Variants in CRACD observed in about 807,000 individuals in gnomAD.
The protein encoded by CRACD is capping protein inhibiting regulator of actin dynamics.
A neutral mutation model predicts 106.8 loss-of-function variants in CRACD; 56 were observed. The ratio of observed to expected loss-of-function variants is 0.52; its 90% CI spans 0.42 to 0.66. CRACD has a LOEUF of 0.66. Among genes scored for constraint, CRACD ranks in the 30% least tolerant of loss-of-function variants. The pLI is 0.00. For missense variants in CRACD, 1,730 were observed against 1,623.2 expected (o/e 1.07, Z -1.13); for synonymous variants, 754 against 670.8 (o/e 1.12, Z -1.92).
chr4:56,066,396 T>C (rs920939928), intron 1 of CRACD, among the ~76,000 whole-genome samples: 4 of 152,064 alleles, frequency 2.6e-5, no homozygotes, highest in African/African-American at 9.7e-5. Flanking sequence ...TTATCTAAAA[T>C]CACAGGTGTG....
At chr4:56,269,644 C>T (rs1261960037) in intron 2 of CRACD, among the ~76,000 whole-genome samples, 1 of 149,792 alleles carries the variant, frequency 6.7e-6, no homozygotes, top group Admixed American at 6.7e-5. Context: ...CTGCTCACTA[C>T]AGCCTTCGCC....
At chr4:56,076,065 G>A (rs1732829117) in intron 1 of CRACD, among the ~76,000 whole-genome samples, 1 of 152,172 alleles carries the variant, frequency 6.6e-6, no homozygotes, top group Non-Finnish European at 1.5e-5. Flanking sequence ...ACCTCAGAAT[G>A]TGACTGTATT....
intron 4 of CRACD, among the ~76,000 whole-genome samples, chr4:56,304,852 G>C (rs1309940878): frequency 6.6e-6 from 1 of 152,166 alleles, no homozygotes; most frequent in Non-Finnish European, 1.5e-5. Flanking sequence ...TTTTGTGTGT[G>C]TGATGATGGC....
chr4:56,162,320 A>T (rs1735989978), intron 1 of CRACD, among the ~76,000 whole-genome samples: 1 of 152,004 alleles, frequency 6.6e-6, no homozygotes, highest in Non-Finnish European at 1.5e-5. Context: ...TCACCCTCCC[A>T]AGTAGCTAGG....
At chr4:56,114,858 G>A (rs1734229109) in intron 1 of CRACD, among the ~76,000 whole-genome samples, 1 of 152,054 alleles carries the variant, frequency 6.6e-6, no homozygotes, top group East Asian at 1.9e-4. Context: ...TTTCTTGCCT[G>A]TGCATTATAG....
intron 1 of CRACD, among the ~76,000 whole-genome samples, chr4:56,127,004 C>T (rs142503182): frequency 1.3e-3 from 199 of 152,292 alleles, no homozygotes; most frequent in African/African-American, 4.6e-3. Context: ...ACTTAATCCC[C>T]AATGTGACAG....
rs550088033 is a variant in CRACD at position 56,328,961 on chromosome 4, C to A, written c.*1157C>A. On this transcript the variant is annotated 3_prime_UTR_variant, in exon 11 of 11. Coordinates refer to ENST00000682029, the MANE Select transcript of CRACD (RefSeq NM_001393381.1). ...TTTGGAGCCTTTGTAATAAGGACTT[C>A]CTGCAGAAAGTCTTTTCTTTACTAT... Among the ~76,000 whole-genome samples the A allele has an allele frequency of 3.9e-5, 6 of 152,292 alleles. No individual in the cohort carries two copies. The South Asian group carries it at 1.2e-3, about 32-fold the overall frequency.
intron 3 of CRACD, among the ~76,000 whole-genome samples, chr4:56,285,331 G>A (rs1479609511): frequency 6.6e-6 from 1 of 152,212 alleles, no homozygotes; most frequent in Non-Finnish European, 1.5e-5. Flanking sequence ...GCACTGGGCA[G>A]TCCATGCAGC....
At chr4:56,147,294 C>T (rs1323553589) in intron 1 of CRACD, among the ~76,000 whole-genome samples, 2 of 152,126 alleles carry the variant, frequency 1.3e-5, no homozygotes, top group Non-Finnish European at 2.9e-5. Flanking sequence ...AAGCAAGAAA[C>T]GAGCAAAAAG....
chr4:56,130,482 T>G (rs573347308), intron 1 of CRACD, among the ~76,000 whole-genome samples: 168 of 152,294 alleles, frequency 1.1e-3, no homozygotes, highest in Middle Eastern at 3.4e-3. Context: ...CTCTTAAAAT[T>G]ACCCTAAATC....
intron 2 of CRACD, among the ~76,000 whole-genome samples, chr4:56,203,342 G>A (rs972480952): frequency 2.6e-5 from 4 of 152,178 alleles, no homozygotes; most frequent in Admixed American, 1.3e-4. Context: ...TCTCTTGAGT[G>A]ACTCCTCACA....
intron 2 of CRACD, among the ~76,000 whole-genome samples, chr4:56,251,679 C>G (rs1295928136): frequency 1.3e-5 from 2 of 152,098 alleles, no homozygotes; most frequent in African/African-American, 4.8e-5. Context: ...TGATCAAAGC[C>G]AAAGTTGAGA....
chr4:56,243,527 A>G (rs1375225634), intron 2 of CRACD, among the ~76,000 whole-genome samples: 1 of 152,222 alleles, frequency 6.6e-6, no homozygotes, highest in Non-Finnish European at 1.5e-5. Context: ...TTAAAAAACA[A>G]AACACCTGGC....
rs533410928 is a variant in CRACD, at chr4:56,214,242, C to G, written c.-189+34812C>G. Among the ~76,000 whole-genome samples the G allele has an allele frequency of 9.9e-5, 15 of 152,182 alleles. No homozygotes were observed. In the East Asian group the frequency reaches 2.9e-3, roughly 29 times the overall value. On this transcript the variant is annotated intron_variant, in intron 2 of 10. Coordinates refer to ENST00000682029, the MANE Select transcript of CRACD (RefSeq NM_001393381.1). ...ACATAATGAAAGGGGTGAGAGGGCT[C>G]TCTCAGATTTTTTTTGTAATTAAAA...
chr4:56,178,889 C>A (rs1027705331), intron 1 of CRACD, among the ~76,000 whole-genome samples: 2 of 152,166 alleles, frequency 1.3e-5, no homozygotes, highest in East Asian at 3.8e-4. Context: ...TAAAAAGGTG[C>A]CTTCACTAGG....
chr4:56,150,570 A>G (rs1332914550), intron 1 of CRACD, among the ~76,000 whole-genome samples: 1 of 152,054 alleles, frequency 6.6e-6, no homozygotes, highest in Non-Finnish European at 1.5e-5. Context: ...CCTTCCCACC[A>G]CCTACTGTCT....
chr4:56,285,210 C>T (rs116193667), intron 3 of CRACD, among the ~76,000 whole-genome samples: 1,961 of 152,204 alleles, frequency 0.013, 19 homozygotes, highest in Non-Finnish European at 0.019. Flanking sequence ...GGAAATCCAC[C>T]CCCATGATCC....
At chr4:56,106,891 C>T (rs1424401790) in intron 1 of CRACD, among the ~76,000 whole-genome samples, 3 of 152,166 alleles carry the variant, frequency 2.0e-5, no homozygotes, top group Non-Finnish European at 4.4e-5. Flanking sequence ...GATAATAGTG[C>T]CTTAGGTGGC....
intron 1 of CRACD, among the ~76,000 whole-genome samples, chr4:56,088,138 T>C (rs1044392342): frequency 2.6e-5 from 4 of 151,704 alleles, no homozygotes; most frequent in African/African-American, 9.7e-5. Context: ...GTTTCTTTTT[T>C]TTTTTTTTTT....
Sources: allele counts gnomAD v4.1 joint callset (sites outside exome capture counted in the v4.1 genomes callset), GRCh38; gene constraint gnomAD v4.1.1; transcripts MANE v1.5; gene names NCBI Gene and HGNC (gene_info 2026-07-23, HGNC 2026-07-21).